The following SEMA6D variants were observed in gnomAD, a reference collection of about 807,000 sequenced individuals.
SEMA6D encodes semaphorin 6D, also known as semaphorin-6D.
In SEMA6D, 35 loss-of-function variants were observed where a neutral mutation model predicts 106.6. That is an observed-to-expected ratio of 0.33 (90% CI 0.25 to 0.44). The LOEUF (loss-of-function observed/expected upper bound fraction) is 0.44, where lower values mean the gene tolerates loss of function less well. Ranked by LOEUF, SEMA6D falls within the 20% of genes least tolerant of loss-of-function variation. The pLI is 1.00. For missense variants in SEMA6D, 1,185 were observed against 1,345.9 expected (o/e 0.88, Z 1.87); for synonymous variants, 499 against 487.7 (o/e 1.02, Z -0.31).
intron 3 of SEMA6D, among the ~76,000 whole-genome samples, chr15:47,532,992 T>G (rs1323783259): frequency 6.6e-6 from 1 of 152,094 alleles, no homozygotes; most frequent in Non-Finnish European, 1.5e-5. Flanking sequence ...GGCTACCAAG[T>G]CTGAGGAAGA....
At chr15:47,361,009 T>C (rs142242071) in intron 1 of SEMA6D, among the ~76,000 whole-genome samples, 275 of 152,336 alleles carry the variant, frequency 1.8e-3, no homozygotes, top group African/African-American at 6.3e-3. Flanking sequence ...AGGTTTGTCA[T>C]GAGGATTTGT....
chr15:47,410,318 G>A (rs2040746880), intron 1 of SEMA6D, among the ~76,000 whole-genome samples: 1 of 151,998 alleles, frequency 6.6e-6, no homozygotes, highest in Non-Finnish European at 1.5e-5. Context: ...GTGTGCCTCT[G>A]GCTTCTTTGG....
intron 1 of SEMA6D, among the ~76,000 whole-genome samples, chr15:47,371,789 AT>A (rs1335060317): frequency 6.6e-6 from 1 of 152,160 alleles, no homozygotes; most frequent in Non-Finnish European, 1.5e-5. Context: ...TTTGCATTTG[AT>A]GATGATGATC....
At chr15:47,733,882 G>T (rs567061677) in intron 1 of SEMA6D, among the ~76,000 whole-genome samples, 1 of 152,216 alleles carries the variant, frequency 6.6e-6, no homozygotes, top group African/African-American at 2.4e-5. Flanking sequence ...ACATGGATTG[G>T]TTCCTCCCCC....
chr15:47,373,312 G>A lies in SEMA6D; in HGVS notation c.-238-39081G>A, dbSNP rs139085264. Among the ~76,000 whole-genome samples the A allele has an allele frequency of 2.2e-3, 340 of 152,270 alleles. 1 individual carries two copies. Among genetic ancestry groups the A allele is most frequent in the African/African-American group, 7.5e-3 (311 of 41,558 alleles). On this transcript the variant is annotated intron_variant, in intron 1 of 19. Transcript: ENST00000558014. ...GAGCTCCTCTCCACCCTGCCTTTGC[G>A]TGTTTCTCAATGCTTGTATTTTTAA...
chr15:47,441,584 T>C (rs1474555038), intron 2 of SEMA6D, among the ~76,000 whole-genome samples: 1 of 152,134 alleles, frequency 6.6e-6, no homozygotes, highest in Non-Finnish European at 1.5e-5. Flanking sequence ...TTTTCAGCCA[T>C]AGATGCTGCA....
intron 4 of SEMA6D, among the ~76,000 whole-genome samples, chr15:47,601,540 G>C (rs2076659139): frequency 6.6e-6 from 1 of 152,150 alleles, no homozygotes; most frequent in Admixed American, 6.6e-5. Context: ...ACATTTCCAA[G>C]TTCTATGTTT....
intron 1 of SEMA6D, among the ~76,000 whole-genome samples, chr15:47,253,328 G>GT (rs951887139): frequency 2.6e-5 from 4 of 152,104 alleles, no homozygotes; most frequent in Admixed American, 2.6e-4. Flanking sequence ...TTTGTTTATT[G>GT]TTTCCTTTGC....
At chr15:47,336,142 A>C (rs2037546150) in intron 1 of SEMA6D, among the ~76,000 whole-genome samples, 1 of 152,206 alleles carries the variant, frequency 6.6e-6, no homozygotes, top group Non-Finnish European at 1.5e-5. Context: ...GGAACAGAAA[A>C]ATGTAAAGGT....
chr15:47,701,648 TTATAAA>T (rs2145919167), intron 4 of SEMA6D, among the ~76,000 whole-genome samples: 1 of 152,318 alleles, frequency 6.6e-6, no homozygotes, highest in East Asian at 1.9e-4. Flanking sequence ...ATTCATCCAC[TTATAAA>T]TAAAGTTAAA....
At chr15:47,422,441 T>G (rs2041202979) in intron 2 of SEMA6D, among the ~76,000 whole-genome samples, 1 of 152,010 alleles carries the variant, frequency 6.6e-6, no homozygotes, top group Non-Finnish European at 1.5e-5. Context: ...GTCATTTAAA[T>G]GGCAAAAAGA....
intron 1 of SEMA6D, among the ~76,000 whole-genome samples, chr15:47,723,061 G>A (rs955108947): frequency 6.6e-6 from 1 of 152,050 alleles, no homozygotes; most frequent in Non-Finnish European, 1.5e-5. Context: ...CAAGAACACA[G>A]ACCACCCTGC....
intron 3 of SEMA6D, among the ~76,000 whole-genome samples, chr15:47,496,316 T>G (rs1184842099): frequency 6.6e-6 from 1 of 152,104 alleles, no homozygotes; most frequent in Non-Finnish European, 1.5e-5. Context: ...ACTCACAGAA[T>G]GGAGGACGTA....
intron 4 of SEMA6D, among the ~76,000 whole-genome samples, chr15:47,638,937 A>G (rs556381905): frequency 1.3e-4 from 20 of 152,340 alleles, no homozygotes; most frequent in Admixed American, 1.0e-3. Flanking sequence ...GCTGGTCCCC[A>G]GCTGCAACCA....
chr15:47,539,195 T>C (rs2045276926), intron 3 of SEMA6D, among the ~76,000 whole-genome samples: 1 of 152,226 alleles, frequency 6.6e-6, no homozygotes, highest in Non-Finnish European at 1.5e-5. Flanking sequence ...TATATTGTGA[T>C]GTGCTTGTCA....
At chr15:47,245,769 A>G (rs1463472067) in intron 1 of SEMA6D, among the ~76,000 whole-genome samples, 1 of 152,176 alleles carries the variant, frequency 6.6e-6, no homozygotes, top group South Asian at 2.1e-4. Flanking sequence ...ATCTGTTTGT[A>G]TCCTGAACAT....
At chr15:47,565,377 G>A (rs2046199869) in intron 3 of SEMA6D, among the ~76,000 whole-genome samples, 1 of 152,146 alleles carries the variant, frequency 6.6e-6, no homozygotes, top group Non-Finnish European at 1.5e-5. Flanking sequence ...GTGCTGAAGG[G>A]GCCAGCTGGT....
intron 4 of SEMA6D, among the ~76,000 whole-genome samples, chr15:47,706,750 T>G (rs1434519499): frequency 6.6e-6 from 1 of 152,112 alleles, no homozygotes; most frequent in African/African-American, 2.4e-5. Flanking sequence ...CTCTAGATAT[T>G]AGGAGAACAC....
At chr15:47,397,565 T>C (rs1468118843) in intron 1 of SEMA6D, 1 of 152,172 alleles carries the variant, frequency 6.6e-6, no homozygotes, top group Non-Finnish European at 1.5e-5. Flanking sequence ...TGGAGAGGAT[T>C]TGCTTTTCCA....
Sources: gnomAD v4.1 joint callset for allele counts (sites outside exome capture counted in the v4.1 genomes callset) on GRCh38, gnomAD v4.1.1 for gene constraint, MANE v1.5 for transcripts, NCBI Gene and HGNC (gene_info 2026-07-23, HGNC 2026-07-21) for gene names.